The following DYM variants were observed in gnomAD, a reference collection of about 807,000 sequenced individuals.
DYM encodes dyggve-Melchior-Clausen syndrome protein.
In DYM, 78 loss-of-function variants were observed where a neutral mutation model predicts 93.1. The observed-to-expected ratio is 0.84, with a 90% CI of 0.70 to 1.01. The LOEUF (loss-of-function observed/expected upper bound fraction) is 1.01, where lower values mean the gene tolerates loss of function less well. Ranked by LOEUF, DYM falls within the 50% of genes least tolerant of loss-of-function variation. The pLI, the probability that DYM is intolerant of heterozygous loss-of-function variation, is 0.00. For synonymous variants in DYM, 321 were observed against 319.7 expected (o/e 1.00, Z -0.04); for missense variants, 789 against 845.0 (o/e 0.93, Z 0.82).
chr18:49,165,575 A>C (rs1165639869), intron 14 of DYM, among the ~76,000 whole-genome samples: 1 of 152,152 alleles, frequency 6.6e-6, no homozygotes, highest in Non-Finnish European at 1.5e-5. Flanking sequence ...TTAAGTTTCA[A>C]CTCATATCAT....
intron 8 of DYM, among the ~76,000 whole-genome samples, chr18:49,322,319 TTTAA>T (rs1230999905): frequency 6.6e-6 from 1 of 152,152 alleles, no homozygotes; most frequent in African/African-American, 2.4e-5. Context: ...GCAGAACACA[TTTAA>T]TTAGATTTGA....
At chr18:49,379,905 A>G (rs1029435444) in intron 3 of DYM, 147 bp from the exon 4 acceptor site, 2 of 661,952 alleles carry the variant, frequency 3.0e-6, no homozygotes, top group African/African-American at 1.8e-5. Flanking sequence ...TAGAGAACTA[A>G]GCAATGAGAG....
At chr18:49,102,220 C>T (rs572665243) in intron 16 of DYM, among the ~76,000 whole-genome samples, 1 of 152,306 alleles carries the variant, frequency 6.6e-6, no homozygotes, top group East Asian at 1.9e-4. Context: ...ATGCGCAAAG[C>T]ACTTTGCGCT....
intron 14 of DYM, among the ~76,000 whole-genome samples, chr18:49,187,149 G>A (rs1305182628): frequency 6.6e-6 from 1 of 152,022 alleles, no homozygotes; most frequent in African/African-American, 2.4e-5. Flanking sequence ...TCAATCTCCT[G>A]ACCTCATGAT....
intron 8 of DYM, among the ~76,000 whole-genome samples, chr18:49,331,010 G>A (rs1049415729): frequency 1.3e-5 from 2 of 152,208 alleles, no homozygotes; most frequent in African/African-American, 4.8e-5. Context: ...CCCAACACTA[G>A]TAAGTTATCA....
intron 17 of DYM, among the ~76,000 whole-genome samples, chr18:49,046,726 C>G (rs1394633907): frequency 1.3e-5 from 2 of 152,050 alleles, no homozygotes; most frequent in East Asian, 3.8e-4. Flanking sequence ...CTAGCAAGAC[C>G]CTATCTTTAC....
intron 14 of DYM, among the ~76,000 whole-genome samples, chr18:49,186,236 A>C (rs2090422117): frequency 6.6e-6 from 1 of 152,096 alleles, no homozygotes; most frequent in South Asian, 2.1e-4. Context: ...AAACAATGAA[A>C]CTTACTGAAC....
At chr18:49,321,515 C>T (rs1213736484) in intron 8 of DYM, 7 of 393,446 alleles carry the variant, frequency 1.8e-5, no homozygotes, top group Non-Finnish European at 3.1e-5. Context: ...AGATTATTTC[C>T]AATGAATATC....
intron 1 of DYM, among the ~76,000 whole-genome samples, chr18:49,438,983 C>T (rs1471508358): frequency 6.6e-6 from 1 of 152,228 alleles, no homozygotes; most frequent in African/African-American, 2.4e-5. Context: ...AAGAGTCCTA[C>T]TGCCTTTGCC....
intron 17 of DYM, among the ~76,000 whole-genome samples, chr18:49,078,330 T>A (rs142553819): frequency 0.011 from 1,681 of 152,220 alleles, 27 homozygotes; most frequent in African/African-American, 0.038. Flanking sequence ...TCACGTTGCA[T>A]GCCTGTATCA....
At chr18:49,214,352 G>A (rs1039260245) in intron 13 of DYM, among the ~76,000 whole-genome samples, 33 of 152,232 alleles carry the variant, frequency 2.2e-4, no homozygotes, top group African/African-American at 7.5e-4. Context: ...CTGCACATGC[G>A]AGGAATTGAG....
At chr18:49,239,737 C>A (rs1419554061) in intron 13 of DYM, among the ~76,000 whole-genome samples, 7 of 152,164 alleles carry the variant, frequency 4.6e-5, no homozygotes, top group Non-Finnish European at 7.4e-5. Context: ...CACTGGACAC[C>A]CAGCCCAGCT....
At chr18:49,122,365 C>T (rs187291438) in intron 15 of DYM, among the ~76,000 whole-genome samples, 2 of 151,818 alleles carry the variant, frequency 1.3e-5, no homozygotes, top group African/African-American at 2.4e-5. Context: ...AAACTCACTA[C>T]CTGAAAGATA....
At chr18:49,225,598 T>C (rs2144232463) in intron 13 of DYM, among the ~76,000 whole-genome samples, 1 of 152,214 alleles carries the variant, frequency 6.6e-6, no homozygotes, top group Non-Finnish European at 1.5e-5. Context: ...GCATCTTTTC[T>C]GTGAGTTGTT....
intron 3 of DYM, among the ~76,000 whole-genome samples, chr18:49,384,826 CAG>C (rs1483312431): frequency 1.3e-5 from 2 of 149,782 alleles, no homozygotes; most frequent in African/African-American, 4.9e-5. Context: ...AAAAAGATAA[CAG>C]AAAGTAAAGA....
intron 6 of DYM, among the ~76,000 whole-genome samples, chr18:49,359,077 C>A (rs76286827): frequency 6.6e-6 from 1 of 152,112 alleles, no homozygotes; most frequent in Non-Finnish European, 1.5e-5. Context: ...TCACAAATTC[C>A]GAGCGCTGGG....
intron 2 of DYM, among the ~76,000 whole-genome samples, chr18:49,408,063 CAA>C (rs34147044): frequency 0.098 from 12,304 of 125,660 alleles, 638 homozygotes; most frequent in East Asian, 0.32. Context: ...GACCTCATCT[CAA>C]AAAAAAAAAA....
chr18:49,262,831 G>C (rs2094510869), intron 11 of DYM, among the ~76,000 whole-genome samples: 1 of 92,702 alleles, frequency 1.1e-5, no homozygotes, highest in South Asian at 3.8e-4. Context: ...TACTATATTA[G>C]CAGGCTACAT....
At chr18:49,299,332 A>G (rs2060754737) in intron 8 of DYM, among the ~76,000 whole-genome samples, 1 of 152,238 alleles carries the variant, frequency 6.6e-6, no homozygotes, top group Non-Finnish European at 1.5e-5. Flanking sequence ...CTGGAATTCA[A>G]GTTGTACTCA....
Sources: gnomAD v4.1 joint callset for allele counts (sites outside exome capture counted in the v4.1 genomes callset) on GRCh38, gnomAD v4.1.1 for gene constraint, MANE v1.5 for transcripts, NCBI Gene and HGNC (gene_info 2026-07-23, HGNC 2026-07-21) for gene names.